The following GOLGA7B variants were observed in gnomAD, a reference collection of about 807,000 sequenced individuals.
The protein encoded by GOLGA7B is golgin A7 family member B.
Under a neutral mutation model 21.5 loss-of-function variants are expected in GOLGA7B, and 17 were observed. The observed-to-expected ratio is 0.79, with a 90% CI of 0.54 to 1.19. The LOEUF (loss-of-function observed/expected upper bound fraction) is 1.19, where lower values mean the gene tolerates loss of function less well. GOLGA7B is among the 50% of genes most tolerant of loss of function. The pLI is 0.00. For synonymous variants in GOLGA7B, 87 were observed against 84.0 expected, an observed-to-expected ratio of 1.04 and a Z score of -0.19; for missense variants, 169 against 224.4, an observed-to-expected ratio of 0.75 and a Z score of 1.58.
chr10:97,861,014 G>T (rs1381981882), intron 2 of GOLGA7B, among the ~76,000 whole-genome samples: 1 of 152,202 alleles, frequency 6.6e-6, no homozygotes, highest in African/African-American at 2.4e-5. Flanking sequence ...TTAAGTCCTT[G>T]TTACTAAAAC....
At chr10:97,856,044 G>A (rs1418531140) in intron 1 of GOLGA7B, among the ~76,000 whole-genome samples, 2 of 152,096 alleles carry the variant, frequency 1.3e-5, no homozygotes, top group Admixed American at 1.3e-4. Flanking sequence ...ACCTTTCCTA[G>A]TTATTTATTA....
At chr10:97,860,265 TATCTG>T (rs2049962122) in intron 2 of GOLGA7B, among the ~76,000 whole-genome samples, 1 of 152,222 alleles carries the variant, frequency 6.6e-6, no homozygotes, top group South Asian at 2.1e-4. Context: ...ACATTTATCT[TATCTG>T]TTACAAACAA....
rs1240119955 is a variant in GOLGA7B, at chr10:97,871,538, G to A, written c.*5838G>A. The A allele has an allele frequency of 6.6e-6, 1 of 152,150 alleles. No homozygotes were observed. Among genetic ancestry groups the A allele is most frequent in the Non-Finnish European group, 1.5e-5 (1 of 68,028 alleles). 9.4% of individuals were successfully genotyped at this position (152,150 alleles called of 1,614,324 possible). ...TAGAATAAACAGATATTTATCCAAG[G>A]GTTCACTGATTCCCGAATAAATGCC... On this transcript the variant is annotated 3_prime_UTR_variant, in exon 5 of 5. Coordinates refer to ENST00000370602, the MANE Select transcript of GOLGA7B (RefSeq NM_001010917.3).
Position 97,859,582 on chromosome 10 carries a change from G to A in GOLGA7B, c.137G>A (p.Arg46Gln), listed in dbSNP as rs768728042. ...AAATTCCCCCCAGAGCTGGACAGCC[G>A]GGTAAGGATGCCTTTTTCTGCACTT... Reference protein sequence around the residue: ...QTKFPPELDSRIERQLFEETV... With the variant: ...QTKFPPELDSQIERQLFEETV... The change falls in exon 2 of 5, where the codon CGG becomes CAG. Residue 46 changes from arginine to glutamine, a missense_variant and splice_region_variant. Arg to Gln is a conservative substitution (Grantham distance 43, BLOSUM62 1). Transcript: ENST00000370602. 13 of 1,613,598 alleles carry A rather than the reference G, an allele frequency of 8.1e-6. No homozygotes were observed. The highest frequency in any genetic ancestry group is 1.3e-5 in the African/African-American group (1 of 75,018).
rs1377773842 is a variant in GOLGA7B, at chr10:97,870,405, T to C, written c.*4705T>C. On this transcript the variant is annotated 3_prime_UTR_variant, in exon 5 of 5. Coordinates refer to ENST00000370602, the MANE Select transcript of GOLGA7B (RefSeq NM_001010917.3). ...TATGAAACTGAAAGACAGGCCAAAC[T>C]CGCCTTTGATTGGGAGTCAGGATCA... The C allele has an allele frequency of 6.6e-6, 1 of 152,048 alleles. No homozygotes were observed. The highest frequency in any genetic ancestry group is 1.9e-4 in the East Asian group (1 of 5,184). The allele number at this position is 152,048 out of a possible 1,614,324, so 9.4% of individuals were successfully genotyped here.
Position 97,867,701 on chromosome 10 carries a change from CT to C in GOLGA7B, c.*2015del, listed in dbSNP as rs796952761. The C allele has an allele frequency of 9.3e-3, 1,340 of 144,214 alleles. 19 individuals are homozygous for C. The highest frequency in any genetic ancestry group is 0.025 in the African/African-American group (987 of 39,584). 8.9% of individuals were successfully genotyped at this position (144,214 alleles called of 1,614,324 possible). On this transcript the variant is annotated 3_prime_UTR_variant, in exon 5 of 5. Transcript: ENST00000370602. Reference sequence around the variant, plus strand: ...GGCTGGGCACAGGCAGTGCTATGGCCTTTTTTTTTTTTTTCTTTTTCCAATA... The same window carrying C: ...GGCTGGGCACAGGCAGTGCTATGGCCTTTTTTTTTTTTTCTTTTTCCAATA...
intron 1 of GOLGA7B, 83 bp downstream of exon 1, chr10:97,850,398 A>T: frequency 2.0e-6 from 2 of 977,956 alleles, no homozygotes; most frequent in Non-Finnish European, 3.0e-6. Flanking sequence ...CAGGAGTGGG[A>T]GGCGGGAGTT....
chr10:97,861,978 C>G (rs1302404656), intron 2 of GOLGA7B, among the ~76,000 whole-genome samples: 1 of 152,170 alleles, frequency 6.6e-6, no homozygotes, highest in Admixed American at 6.5e-5. Flanking sequence ...GCAGGGAGGT[C>G]CCTAAACTGT....
intron 4 of GOLGA7B, 29 bp from the exon 5 acceptor site, chr10:97,865,561 T>G: frequency 1.2e-6 from 2 of 1,609,576 alleles, no homozygotes; most frequent in Non-Finnish European, 1.7e-6. Context: ...GCAGCTGGGC[T>G]CGCAGCTCTC....
At chr10:97,865,544 C>T (rs2050010180) in intron 4 of GOLGA7B, 46 bp from the exon 5 acceptor site, 1 of 1,605,012 alleles carries the variant, frequency 6.2e-7, no homozygotes, top group East Asian at 2.2e-5. Context: ...TGTCCCACCC[C>T]TGCTCAGCAG....
At chr10:97,850,345 T>TG (rs2049897284) in intron 1 of GOLGA7B, 30 bp downstream of exon 1, 1 of 1,508,340 alleles carries the variant, frequency 6.6e-7, no homozygotes, top group African/African-American at 1.4e-5. Flanking sequence ...CCGCAGGCAG[T>TG]GCCCGATTGC....
chr10:97,859,394 T>C, intron 1 of GOLGA7B, 64 bp from the exon 2 acceptor site: 1 of 1,550,802 alleles, frequency 6.4e-7, no homozygotes, highest in East Asian at 2.3e-5. Context: ...GGGAAACCCC[T>C]GCATTTGGGA....
rs1245830628 is a variant in GOLGA7B, at chr10:97,869,080, A to C, written c.*3380A>C. On this transcript the variant is annotated 3_prime_UTR_variant, in exon 5 of 5. Coordinates refer to ENST00000370602, the MANE Select transcript of GOLGA7B (RefSeq NM_001010917.3). ...ATCTGACTCCAAACTGCAAGGAAGA[A>C]GACAGATCCAGCCTCAGAGGCCGCT... is the stretch of plus-strand genomic sequence containing the variant. 1 of 152,270 alleles carries C rather than the reference A, an allele frequency of 6.6e-6. No individual in the cohort carries two copies. Among genetic ancestry groups the C allele is most frequent in the Non-Finnish European group, 1.5e-5 (1 of 68,054 alleles). 9.4% of individuals were successfully genotyped at this position (152,270 alleles called of 1,614,324 possible).
chr10:97,855,928 C>T (rs2049932404), intron 1 of GOLGA7B, among the ~76,000 whole-genome samples: 1 of 152,360 alleles, frequency 6.6e-6, no homozygotes, highest in South Asian at 2.1e-4. Flanking sequence ...TTCGTACATA[C>T]AGCAAGGTCC....
intron 1 of GOLGA7B, among the ~76,000 whole-genome samples, chr10:97,858,431 C>G (rs2049949886): frequency 6.6e-6 from 1 of 152,144 alleles, no homozygotes; most frequent in African/African-American, 2.4e-5. Context: ...GCCTTTGGGG[C>G]TTGGTCTCCA....
chr10:97,863,433 T>G (rs955154621), intron 2 of GOLGA7B, among the ~76,000 whole-genome samples: 1 of 152,158 alleles, frequency 6.6e-6, no homozygotes, highest in African/African-American at 2.4e-5. Context: ...GAAATGCCCC[T>G]TCCTGGAGAG....
In GOLGA7B at chr10:97,850,288, C is replaced by T. The variant is rs1186405592; in HGVS notation, c.-16C>T. 2 of 1,498,664 alleles carry T rather than the reference C, an allele frequency of 1.3e-6. No homozygotes were observed. The highest frequency in any genetic ancestry group is 1.8e-6 in the Non-Finnish European group (2 of 1,126,872). The allele number at this position is 1,498,664 out of a possible 1,614,324, so 92.8% of individuals were successfully genotyped here. A position where few individuals can be genotyped will look rare whatever the true frequency, so the allele number is the denominator to read the frequency against. ...CCTCGCCCGGCCCCGCGACAGCCTCCGAGCGCCCCCGGATCATGGCCACCG... is the reference window on the plus strand; with the variant it reads ...CCTCGCCCGGCCCCGCGACAGCCTCTGAGCGCCCCCGGATCATGGCCACCG... On this transcript the variant is annotated 5_prime_UTR_variant, in exon 1 of 5. Transcript: ENST00000370602.
chr10:97,852,707 G>T (rs966385652), intron 1 of GOLGA7B, among the ~76,000 whole-genome samples: 1 of 151,912 alleles, frequency 6.6e-6, no homozygotes, highest in Non-Finnish European at 1.5e-5. Flanking sequence ...GGAGAGGAAG[G>T]GGGTGGGGAG....
chr10:97,860,042 C>A (rs2049960706), intron 2 of GOLGA7B, among the ~76,000 whole-genome samples: 2 of 152,180 alleles, frequency 1.3e-5, no homozygotes, highest in African/African-American at 4.8e-5. Flanking sequence ...GCAGCCCAAA[C>A]CAACTACATT....
Sources: allele counts gnomAD v4.1 joint callset (sites outside exome capture counted in the v4.1 genomes callset), GRCh38; gene constraint gnomAD v4.1.1; transcripts MANE v1.5; gene names NCBI Gene and HGNC (gene_info 2026-07-23, HGNC 2026-07-21).